The following TMEM268 variants were observed in gnomAD, a reference collection of about 807,000 sequenced individuals.
TMEM268 encodes the protein transmembrane protein C9orf91.
TMEM268 carries 24 observed loss-of-function variants against 39.1 expected under a neutral mutation model. The observed-to-expected ratio is 0.61, with a 90% CI of 0.44 to 0.86. The LOEUF (loss-of-function observed/expected upper bound fraction) is 0.86. Among genes scored for constraint, TMEM268 ranks in the 40% least tolerant of loss-of-function variants. The pLI is 0.00. For synonymous variants in TMEM268, 176 were observed against 173.5 expected, an observed-to-expected ratio of 1.01 and a Z score of -0.12; for missense variants, 409 against 428.6, an observed-to-expected ratio of 0.95 and a Z score of 0.40.
intron 5 of TMEM268, among the ~76,000 whole-genome samples, chr9:114,631,282 C>CAAAAAAAAAAAAAAAAA (rs3035421): frequency 1.5e-5 from 2 of 130,180 alleles, no homozygotes; most frequent in African/African-American, 3.0e-5. Context: ...CAGCCTGCCT[C>CAAAAAAAAAAAAAAAAA]AAAAAAAAAA....
intron 5 of TMEM268, 103 bp downstream of exon 5, chr9:114,628,353 A>C (rs1246115176): frequency 1.5e-6 from 2 of 1,362,568 alleles, no homozygotes; most frequent in Non-Finnish European, 2.0e-6. Context: ...TTCCCTGGCC[A>C]TGAAAATTCA....
chr9:114,636,101 GC>G (rs1398093180), intron 6 of TMEM268, among the ~76,000 whole-genome samples: 1 of 152,184 alleles, frequency 6.6e-6, no homozygotes, highest in Non-Finnish European at 1.5e-5. Flanking sequence ...TGGGGCAAGG[GC>G]CACCAGTTTC....
intron 1 of TMEM268, among the ~76,000 whole-genome samples, chr9:114,612,893 G>T (rs1018075153): frequency 1.3e-5 from 2 of 152,196 alleles, no homozygotes; most frequent in African/African-American, 4.8e-5. Flanking sequence ...CCAGTTTCGT[G>T]CTCAAGATAG....
Position 114,638,641 on chromosome 9 carries a change from C to A in TMEM268, c.764C>A (p.Pro255His). ...AEGPENLEDA[P>H]LLPGNSCPNE... ...GGGCCTGAGAACTTGGAGGATGCTCCTCTCCTGCCCGGCAATTCTTGTCCT... is the reference window on the plus strand; with the variant it reads ...GGGCCTGAGAACTTGGAGGATGCTCATCTCCTGCCCGGCAATTCTTGTCCT... Residue 255 changes from proline to histidine, a missense_variant, in exon 8 of 9, where the codon CCT (proline) becomes CAT (histidine). Coordinates refer to ENST00000288502, the MANE Select transcript of TMEM268 (RefSeq NM_153045.4). 6.2e-7 allele frequency: 1 copy of A among 1,610,364 alleles called. No homozygotes were observed. Among genetic ancestry groups the A allele is most frequent in the Non-Finnish European group, 8.5e-7 (1 of 1,178,538 alleles).
intron 4 of TMEM268, 122 bp downstream of exon 4, chr9:114,627,128 GC>G: frequency 1.5e-6 from 1 of 648,756 alleles, no homozygotes; most frequent in Non-Finnish European, 2.8e-6. Context: ...TGGCCCAGGT[GC>G]CTGGAAACGA....
chr9:114,609,244 GA>G (rs1224335976), upstream of TMEM268, among the ~76,000 whole-genome samples: 2 of 152,070 alleles, frequency 1.3e-5, no homozygotes, highest in Admixed American at 6.6e-5. Context: ...CCGGGAGGTG[GA>G]GGCTGCAGTG....
intron 6 of TMEM268, among the ~76,000 whole-genome samples, chr9:114,636,615 C>G (rs1339265482): frequency 6.6e-6 from 1 of 152,060 alleles, no homozygotes; most frequent in Non-Finnish European, 1.5e-5. Flanking sequence ...ATTCTTGTGC[C>G]TCAGGCTCCT....
Position 114,633,286 on chromosome 9 carries a change from C to T in TMEM268, c.475-482C>T, listed in dbSNP as rs367649334. On this transcript the variant is annotated intron_variant, in intron 5 of 8. Transcript: ENST00000288502. Reference sequence around the variant, plus strand: ...AAGCAATTCTCCTGTCTCAGCCTCCCGAGTAGCTGGGACTACAGGTGTGTG... The same window carrying T: ...AAGCAATTCTCCTGTCTCAGCCTCCTGAGTAGCTGGGACTACAGGTGTGTG... 1.1e-4 allele frequency among the ~76,000 whole-genome samples: 17 copies of T among 152,004 alleles called. No homozygotes were observed. The East Asian group carries it at 1.6e-3, about 14-fold the overall frequency.
chr9:114,614,383 C>T (rs1845620842), intron 1 of TMEM268, among the ~76,000 whole-genome samples: 1 of 152,200 alleles, frequency 6.6e-6, no homozygotes, highest in Admixed American at 6.5e-5. Flanking sequence ...CACACAGGGT[C>T]CCCCACTTAG....
At chr9:114,612,747 C>A (rs188325060) in intron 1 of TMEM268, among the ~76,000 whole-genome samples, 5 of 152,318 alleles carry the variant, frequency 3.3e-5, no homozygotes, top group South Asian at 2.1e-4. Context: ...ACCCTTCCCC[C>A]ACCCCAACCA....
At position 114,624,110 on chromosome 9, in the gene TMEM268, T is replaced by C. The variant is rs1460452315; in HGVS notation, c.107-240T>C. On this transcript the variant is annotated intron_variant, in intron 2 of 8. Transcript: ENST00000288502. ...CTTTTGCTCTTGGAAAATTCTTCCTTATATGGTCTCACATTGTGGTCCTAG... is the reference window on the plus strand; with the variant it reads ...CTTTTGCTCTTGGAAAATTCTTCCTCATATGGTCTCACATTGTGGTCCTAG... 1.2e-5 allele frequency: 8 copies of C among 642,100 alleles called. No individual in the cohort carries two copies. In the East Asian group the frequency reaches 3.7e-4, roughly 30 times the overall value. 39.8% of individuals were successfully genotyped at this position (642,100 alleles called of 1,614,324 possible).
intron 8 of TMEM268, among the ~76,000 whole-genome samples, chr9:114,640,798 T>G (rs374498848): frequency 3.3e-5 from 5 of 152,260 alleles, no homozygotes; most frequent in African/African-American, 9.6e-5. Context: ...TTTTGAGTGA[T>G]AATGATGGAA....
In TMEM268 at chr9:114,626,920, A is replaced by G; in HGVS notation, c.238A>G (p.Ser80Gly). 1.9e-6 allele frequency: 3 copies of G among 1,613,582 alleles called. No individual in the cohort carries two copies. Among genetic ancestry groups the G allele is most frequent in the South Asian group, 1.1e-5 (1 of 91,064 alleles). The change falls in exon 4 of 9, where the codon AGC (serine) becomes GGC (glycine). Residue 80 changes from serine to glycine, a missense_variant. By Grantham distance (56) the Ser-to-Gly change is moderately conservative. Coordinates refer to ENST00000288502, the MANE Select transcript of TMEM268 (RefSeq NM_153045.4). ...GIQVPADQYRSLAESALLEPQ... is the reference protein window; with the variant it reads ...GIQVPADQYRGLAESALLEPQ... ...GCAGGTCCCGGCTGACCAGTACAGG[A>G]GCTTGGCTGAGAGTGCCCTCTTGGA...
At chr9:114,617,329 C>T (rs1304737866) in intron 2 of TMEM268, 28 bp downstream of exon 2, 2 of 1,535,696 alleles carry the variant, frequency 1.3e-6, no homozygotes, top group Non-Finnish European at 9.0e-7. Context: ...CATTTTCCAC[C>T]TTCTTTCTAC....
At chr9:114,615,007 C>T (rs1201421146) in intron 1 of TMEM268, among the ~76,000 whole-genome samples, 2 of 151,746 alleles carry the variant, frequency 1.3e-5, no homozygotes, top group African/African-American at 4.8e-5. Flanking sequence ...AGTGATTCTC[C>T]TGCCTCAGCC....
intron 2 of TMEM268, among the ~76,000 whole-genome samples, chr9:114,621,481 T>G (rs1465805987): frequency 2.0e-5 from 3 of 152,176 alleles, no homozygotes; most frequent in Admixed American, 2.0e-4. Flanking sequence ...GAGTGTATAG[T>G]CTGGTGGAAA....
At chr9:114,617,952 C>T (rs1245751070) in intron 2 of TMEM268, among the ~76,000 whole-genome samples, 3 of 152,048 alleles carry the variant, frequency 2.0e-5, no homozygotes, top group Admixed American at 2.0e-4. Flanking sequence ...TCTCGGTTCA[C>T]TGTAGTCTTC....
intron 1 of TMEM268, among the ~76,000 whole-genome samples, chr9:114,612,658 T>C (rs1845550062): frequency 6.6e-6 from 1 of 152,202 alleles, no homozygotes. Flanking sequence ...CCTTTCTGCT[T>C]GGCACTGGCC....
intron 1 of TMEM268, 126 bp downstream of exon 1, chr9:114,611,690 G>A (rs545855330): frequency 3.3e-5 from 5 of 153,226 alleles, no homozygotes; most frequent in Non-Finnish European, 4.4e-5. Flanking sequence ...AGACGGCCTG[G>A]GTTCGGCGCG....
Sources: gnomAD v4.1 joint callset for allele counts (sites outside exome capture counted in the v4.1 genomes callset) on GRCh38, gnomAD v4.1.1 for gene constraint, MANE v1.5 for transcripts, NCBI Gene and HGNC (gene_info 2026-07-23, HGNC 2026-07-21) for gene names.